PARD3: variants seen among roughly 807,000 people sequenced by gnomAD.
PARD3 encodes the protein partitioning defective 3 homolog.
PARD3 carries 75 observed loss-of-function variants against 155.4 expected under a neutral mutation model. That is an observed-to-expected ratio of 0.48 (90% CI 0.40 to 0.58). The LOEUF (loss-of-function observed/expected upper bound fraction) is 0.58, where lower values mean the gene tolerates loss of function less well. Among genes scored for constraint, PARD3 ranks in the 20% least tolerant of loss-of-function variants. PARD3 has a pLI of 0.00. For missense variants in PARD3, 1,642 were observed against 1,721.7 expected (o/e 0.95, Z 0.82); for synonymous variants, 576 against 610.5 (o/e 0.94, Z 0.83).
intron 1 of PARD3, among the ~76,000 whole-genome samples, chr10:34,780,905 A>G (rs1840161586): frequency 6.6e-6 from 1 of 152,354 alleles, no homozygotes; most frequent in Admixed American, 6.5e-5. Context: ...CTGAAACTCA[A>G]CGTGAAAGCT....
At chr10:34,687,547 C>T (rs780983068) in intron 2 of PARD3, among the ~76,000 whole-genome samples, 34 of 152,150 alleles carry the variant, frequency 2.2e-4, no homozygotes, top group Non-Finnish European at 4.1e-4. Flanking sequence ...TGAGTTTACA[C>T]AGCCATTCCA....
intron 1 of PARD3, among the ~76,000 whole-genome samples, chr10:34,799,719 G>A (rs1289923560): frequency 3.3e-5 from 5 of 152,104 alleles, no homozygotes; most frequent in African/African-American, 4.8e-5. Context: ...GGCTGGGTAC[G>A]GTGGCTGACA....
chr10:34,509,465 T>C (rs1397684364), intron 3 of PARD3, among the ~76,000 whole-genome samples: 1 of 152,204 alleles, frequency 6.6e-6, no homozygotes, highest in Non-Finnish European at 1.5e-5. Flanking sequence ...AAGCCCAGGA[T>C]AGTGTTTTAT....
intron 1 of PARD3, among the ~76,000 whole-genome samples, chr10:34,773,343 T>C (rs1229581101): frequency 6.6e-6 from 1 of 152,236 alleles, no homozygotes; most frequent in Non-Finnish European, 1.5e-5. Context: ...ATGTTGTTTC[T>C]TCTAATGAAT....
intron 2 of PARD3, among the ~76,000 whole-genome samples, chr10:34,653,127 A>G (rs116793309): frequency 0.012 from 1,770 of 152,322 alleles, 35 homozygotes; most frequent in African/African-American, 0.04. Context: ...AGGGTCTTAT[A>G]TAAGTGATAG....
At chr10:34,312,465 G>A (rs2134095679) in intron 20 of PARD3, 1 of 1,338,646 alleles carries the variant, frequency 7.5e-7, no homozygotes, top group East Asian at 2.3e-5. Context: ...TTTCTCAAAT[G>A]CCTAAGATGT....
intron 2 of PARD3, among the ~76,000 whole-genome samples, chr10:34,553,059 T>C (rs969213371): frequency 6.6e-6 from 1 of 152,198 alleles, no homozygotes; most frequent in African/African-American, 2.4e-5. Context: ...TACTATGTGA[T>C]TGTACTTAAG....
intron 2 of PARD3, among the ~76,000 whole-genome samples, chr10:34,577,669 G>C (rs971539669): frequency 4.0e-5 from 6 of 151,870 alleles, no homozygotes; most frequent in Non-Finnish European, 7.4e-5. Context: ...TGTAAAATGG[G>C]GATGAAAAAA....
intron 22 of PARD3, among the ~76,000 whole-genome samples, chr10:34,156,845 C>T (rs892157113): frequency 2.0e-5 from 3 of 152,144 alleles, no homozygotes; most frequent in Non-Finnish European, 4.4e-5. Flanking sequence ...ACAGCTTCTG[C>T]ACATTTCATC....
At chr10:34,589,567 G>A (rs967577509) in intron 2 of PARD3, among the ~76,000 whole-genome samples, 8 of 128,710 alleles carry the variant, frequency 6.2e-5, no homozygotes, top group African/African-American at 2.4e-4. Context: ...ATAAATTTCT[G>A]TTGTTTAAGC....
chr10:34,198,375 C>A (rs1023593772), intron 22 of PARD3, among the ~76,000 whole-genome samples: 1 of 151,894 alleles, frequency 6.6e-6, no homozygotes. Flanking sequence ...TCATATTTCA[C>A]TAAGTTCCAA....
chr10:34,380,439 T>C (rs1200096995), intron 9 of PARD3, among the ~76,000 whole-genome samples: 1 of 152,158 alleles, frequency 6.6e-6, no homozygotes, highest in Non-Finnish European at 1.5e-5. Context: ...CATTAAATGC[T>C]ATTAAAATAA....
intron 1 of PARD3, among the ~76,000 whole-genome samples, chr10:34,777,174 C>A (rs1165876588): frequency 1.3e-5 from 2 of 152,094 alleles, no homozygotes; most frequent in East Asian, 1.9e-4. Flanking sequence ...TGTCATTTCC[C>A]TGCTTTGGAA....
At chr10:34,562,123 CAAAAAAAAAAAAAAAAA>C (rs3041198) in intron 2 of PARD3, among the ~76,000 whole-genome samples, 8 of 26,354 alleles carry the variant, frequency 3.0e-4, no homozygotes, top group South Asian at 2.4e-3. Context: ...CTGACTGTCT[CAAAAAAAAAAAAAAAAA>C]AAAAAAAAAA....
At chr10:34,497,102 C>T (rs907071855) in intron 3 of PARD3, among the ~76,000 whole-genome samples, 1 of 152,122 alleles carries the variant, frequency 6.6e-6, no homozygotes, top group Non-Finnish European at 1.5e-5. Context: ...TGTGATCCAG[C>T]AATGCAGAAG....
intron 1 of PARD3, among the ~76,000 whole-genome samples, chr10:34,697,898 G>A (rs2094205216): frequency 1.3e-5 from 2 of 151,978 alleles, no homozygotes; most frequent in African/African-American, 4.8e-5. Context: ...GACAGCTCCA[G>A]AATTTGGCAT....
Position 34,564,201 on chromosome 10 carries a change from T to C in PARD3, c.223-47042A>G, listed in dbSNP as rs375037241. ...ATGTTACATGTGCATATAAAATTTA[T>C]GTCTCATAAAATATCAATTAACCAT... On this transcript the variant is annotated intron_variant, in intron 2 of 24. Coordinates refer to ENST00000374788, the MANE Select transcript of PARD3 (RefSeq NM_001184785.2). Among the ~76,000 whole-genome samples, 7 of 152,310 alleles carry C rather than the reference T, an allele frequency of 4.6e-5. 1 individual carries two copies. The South Asian group carries it at 1.5e-3, about 32-fold the overall frequency.
At chr10:34,681,589 T>A (rs911479569) in intron 2 of PARD3, among the ~76,000 whole-genome samples, 1 of 149,842 alleles carries the variant, frequency 6.7e-6, no homozygotes, top group South Asian at 2.1e-4. Flanking sequence ...AACACCACTG[T>A]TGTAGCTGCA....
At chr10:34,596,061 T>A (rs547831799) in intron 2 of PARD3, among the ~76,000 whole-genome samples, 115 of 152,304 alleles carry the variant, frequency 7.6e-4, no homozygotes, top group African/African-American at 2.7e-3. Flanking sequence ...GGGAAGTGGA[T>A]ACCATATTAC....
Sources: gnomAD v4.1 joint callset for allele counts (sites outside exome capture counted in the v4.1 genomes callset) on GRCh38, gnomAD v4.1.1 for gene constraint, MANE v1.5 for transcripts, NCBI Gene and HGNC (gene_info 2026-07-23, HGNC 2026-07-21) for gene names.